Variants in ERC2 observed in about 807,000 individuals in gnomAD.
ERC2 encodes ERC protein 2.
In ERC2, 42 loss-of-function variants were observed where a neutral mutation model predicts 114.8. The ratio of observed to expected loss-of-function variants is 0.37; its 90% CI spans 0.29 to 0.47. The LOEUF (loss-of-function observed/expected upper bound fraction) is 0.47. ERC2 is among the 20% of genes least tolerant of loss of function. ERC2 has a pLI of 0.99. For synonymous variants in ERC2, 454 were observed against 425.5 expected, an observed-to-expected ratio of 1.07 and a Z score of -0.82; for missense variants, 939 against 1,150.7, an observed-to-expected ratio of 0.82 and a Z score of 2.66.
intron 14 of ERC2, among the ~76,000 whole-genome samples, chr3:55,749,429 G>C (rs1490999664): frequency 6.6e-6 from 1 of 152,180 alleles, no homozygotes; most frequent in Admixed American, 6.5e-5. Context: ...TAAGGTGAGA[G>C]GTGAGGCCAG....
intron 2 of ERC2, among the ~76,000 whole-genome samples, chr3:56,403,097 T>C (rs2060581753): frequency 2.0e-5 from 3 of 152,140 alleles, no homozygotes; most frequent in South Asian, 2.1e-4. Flanking sequence ...TAACCCTCCG[T>C]TCCAATTACA....
chr3:55,771,866 T>C (rs1027508196), intron 14 of ERC2, among the ~76,000 whole-genome samples: 2 of 152,208 alleles, frequency 1.3e-5, no homozygotes, highest in Non-Finnish European at 2.9e-5. Context: ...TCTGTAATTA[T>C]GGGTTTTCTC....
intron 14 of ERC2, among the ~76,000 whole-genome samples, chr3:55,754,053 GTTATTA>G (rs2066893393): frequency 6.6e-6 from 1 of 152,068 alleles, no homozygotes; most frequent in Non-Finnish European, 1.5e-5. Context: ...ATAACAAGCA[GTTATTA>G]TTATTATAAA....
chr3:56,205,473 C>A (rs1412854769), intron 3 of ERC2, among the ~76,000 whole-genome samples: 2 of 152,166 alleles, frequency 1.3e-5, no homozygotes, highest in African/African-American at 4.8e-5. Flanking sequence ...CAAACTCTTG[C>A]CCCGTAACAA....
chr3:56,137,219 T>G (rs1560235541), intron 6 of ERC2, among the ~76,000 whole-genome samples: 1 of 152,232 alleles, frequency 6.6e-6, no homozygotes, highest in East Asian at 1.9e-4. Context: ...GAAACCTGAC[T>G]GCTGGTTTGG....
intron 6 of ERC2, among the ~76,000 whole-genome samples, chr3:56,094,824 A>G (rs2077969077): frequency 6.6e-6 from 1 of 152,228 alleles, no homozygotes; most frequent in South Asian, 2.1e-4. Flanking sequence ...GGAAACATGG[A>G]TTATTCCATT....
At chr3:55,732,443 G>A (rs2065311328) in intron 15 of ERC2, among the ~76,000 whole-genome samples, 1 of 152,102 alleles carries the variant, frequency 6.6e-6, no homozygotes, top group Non-Finnish European at 1.5e-5. Context: ...GCACATACAG[G>A]AGCTGAACTC....
chr3:56,012,464 G>A (rs1463547367), intron 8 of ERC2, among the ~76,000 whole-genome samples: 1 of 152,118 alleles, frequency 6.6e-6, no homozygotes, highest in East Asian at 1.9e-4. Flanking sequence ...AAAATCCTAT[G>A]AGTCTTCTTG....
At chr3:56,338,717 A>T (rs978474998) in intron 2 of ERC2, among the ~76,000 whole-genome samples, 1 of 152,216 alleles carries the variant, frequency 6.6e-6, no homozygotes, top group Non-Finnish European at 1.5e-5. Context: ...GGATACAGTG[A>T]CTGTTCTGAG....
chr3:55,911,932 C>T (rs1408596571), intron 13 of ERC2, among the ~76,000 whole-genome samples: 1 of 152,030 alleles, frequency 6.6e-6, no homozygotes, highest in Admixed American at 6.5e-5. Flanking sequence ...CTATACAGAC[C>T]ACAGACAGGA....
chr3:56,058,276 G>A (rs530610292), intron 7 of ERC2, among the ~76,000 whole-genome samples: 35 of 152,236 alleles, frequency 2.3e-4, no homozygotes, highest in African/African-American at 7.5e-4. Context: ...TAACTGTTAC[G>A]ACCCTTGGAC....
At chr3:55,952,167 ACACACACACACAC>A (rs1209956444) in intron 12 of ERC2, among the ~76,000 whole-genome samples, 8,675 of 67,338 alleles carry the variant, frequency 0.13, 1,053 homozygotes, top group Middle Eastern at 0.19. Flanking sequence ...ACACACACAC[ACACACACACACAC>A]TCTCTCTCTC....
At chr3:55,712,663 T>C (rs1022282182) in intron 15 of ERC2, among the ~76,000 whole-genome samples, 1 of 152,182 alleles carries the variant, frequency 6.6e-6, no homozygotes, top group Admixed American at 6.5e-5. Context: ...GGAGACTCAA[T>C]AGCTATTTGA....
At chr3:56,395,446 A>G (rs1459758932) in intron 2 of ERC2, among the ~76,000 whole-genome samples, 1 of 152,138 alleles carries the variant, frequency 6.6e-6, no homozygotes, top group Non-Finnish European at 1.5e-5. Context: ...TCCCCATCCA[A>G]TTCTCATGTT....
Position 55,746,475 on chromosome 3 carries a change from C to T in ERC2, c.2565-11557G>A, listed in dbSNP as rs533578184. Among the ~76,000 whole-genome samples the T allele has an allele frequency of 2.0e-5, 3 of 152,218 alleles. No individual in the cohort carries two copies. In the East Asian group the frequency reaches 5.8e-4, roughly 29 times the overall value. On this transcript the variant is annotated intron_variant, in intron 14 of 17. Coordinates refer to ENST00000288221, the MANE Select transcript of ERC2 (RefSeq NM_015576.3). ...TCTCGAACTCCCGACCTCAGGTGAT[C>T]CGCCCACCTCAGGTGATCGGCCTCC...
rs180854811 is a variant in ERC2, at chr3:55,956,697, C to T, written c.2268-6137G>A. On this transcript the variant is annotated intron_variant, in intron 12 of 17. Transcript: ENST00000288221. Reference sequence around the variant, plus strand: ...CTTAGCTCCAGGATAAGCCAGATCTCATGGACTTTTGCACCTTGTGGCAGC... The same window carrying T: ...CTTAGCTCCAGGATAAGCCAGATCTTATGGACTTTTGCACCTTGTGGCAGC... Among the ~76,000 whole-genome samples the T allele has an allele frequency of 1.3e-3, 195 of 152,260 alleles. 2 individuals are homozygous for T. The highest frequency in any genetic ancestry group is 1.0e-3 in the Non-Finnish European group (71 of 68,012).
chr3:56,004,992 G>C (rs2072367772), intron 10 of ERC2, among the ~76,000 whole-genome samples: 1 of 151,724 alleles, frequency 6.6e-6, no homozygotes, highest in South Asian at 2.1e-4. Context: ...ATGGGTATTT[G>C]AGGTTTTTAC....
At chr3:56,008,189 T>A (rs895219498) in intron 9 of ERC2, among the ~76,000 whole-genome samples, 1 of 152,192 alleles carries the variant, frequency 6.6e-6, no homozygotes, top group South Asian at 2.1e-4. Context: ...AGGAAGATAC[T>A]AAAGACACAA....
At chr3:55,714,037 A>T (rs1437735282) in intron 15 of ERC2, among the ~76,000 whole-genome samples, 2 of 152,256 alleles carry the variant, frequency 1.3e-5, no homozygotes, top group African/African-American at 4.8e-5. Flanking sequence ...ATTTCATAAG[A>T]CATCAATTTA....
Sources: gnomAD v4.1 joint callset for allele counts (sites outside exome capture counted in the v4.1 genomes callset) on GRCh38, gnomAD v4.1.1 for gene constraint, MANE v1.5 for transcripts, NCBI Gene and HGNC (gene_info 2026-07-23, HGNC 2026-07-21) for gene names.